LAMC3: variants seen among roughly 807,000 people sequenced by gnomAD.
LAMC3 encodes laminin subunit gamma 3.
A neutral mutation model predicts 173.8 loss-of-function variants in LAMC3; 128 were observed. The observed-to-expected ratio is 0.74, with a 90% confidence interval of 0.64 to 0.85. The LOEUF is 0.85. LAMC3 is among the 40% of genes least tolerant of loss of function. LAMC3 has a pLI of 0.00. For synonymous variants in LAMC3, 897 were observed against 909.1 expected (o/e 0.99, Z 0.24); for missense variants, 2,022 against 2,156.0 (o/e 0.94, Z 1.23).
chr9:131,014,944 C>A (rs1427013012), intron 1 of LAMC3, among the ~76,000 whole-genome samples: 1 of 152,174 alleles, frequency 6.6e-6, no homozygotes, highest in African/African-American at 2.4e-5. Context: ...CCACTGCACT[C>A]CAGCCTGGGC....
At chr9:131,020,136 G>T (rs1588137544) in intron 1 of LAMC3, among the ~76,000 whole-genome samples, 1 of 152,204 alleles carries the variant, frequency 6.6e-6, no homozygotes, top group Non-Finnish European at 1.5e-5. Context: ...GGCGGGAGGG[G>T]CTAGGGTGGA....
intron 27 of LAMC3, among the ~76,000 whole-genome samples, chr9:131,091,059 T>A (rs1830416154): frequency 6.6e-6 from 1 of 151,914 alleles, no homozygotes; most frequent in African/African-American, 2.4e-5. Flanking sequence ...CATACATACA[T>A]ACAAAAATTA....
chr9:131,079,019 G>C (rs369128385), intron 22 of LAMC3, 130 bp from the exon 23 acceptor site: 1 of 1,163,118 alleles, frequency 8.6e-7, no homozygotes, highest in East Asian at 2.6e-5. Flanking sequence ...TTTTCAGGGG[G>C]CTTGGGTTCT....
At position 131,009,616 on chromosome 9, in the gene LAMC3, G is replaced by C. The variant is rs749611585; in HGVS notation, c.373+29G>C. 2 of 1,554,660 alleles carry C rather than the reference G, an allele frequency of 1.3e-6. No individual in the cohort carries two copies. On this transcript the variant is annotated intron_variant, in intron 1 of 27. Transcript: ENST00000361069. The surrounding 1 kb of genome is among the most constrained non-coding windows in gnomAD (Gnocchi z 4.3). ...AGCGCGGGCTGGGGGCACCGCCACC[G>C]CACCCCGTGTCCCCACTCCACTGGG...
chr9:131,064,816 G>A (rs532928605), intron 13 of LAMC3, among the ~76,000 whole-genome samples: 19 of 152,152 alleles, frequency 1.2e-4, no homozygotes, highest in African/African-American at 4.1e-4. Flanking sequence ...CAAGGCAGGC[G>A]GATCACCTGA....
chr9:131,026,500 A>G lies in LAMC3; in HGVS notation c.589A>G (p.Ile197Val), dbSNP rs753424426. 4 of 1,613,288 alleles carry G rather than the reference A, an allele frequency of 2.5e-6. No individual in the cohort carries two copies. Among genetic ancestry groups the G allele is most frequent in the Non-Finnish European group, 2.5e-6 (3 of 1,179,900 alleles). ...CTTCTGCACCTCTGAGTTCAGCGAC[A>G]TCTCCCCGCTGAGTGGCGGCAACGT... ...VAFCTSEFSD[I>V]SPLSGGNVAF... Residue 197 changes from isoleucine (I) to valine (V), a missense_variant, in exon 2 of 28, where the codon ATC (isoleucine) becomes GTC (valine). By Grantham distance (29) the Ile-to-Val change is conservative. Transcript: ENST00000361069. The surrounding 1 kb of genome is among the most constrained non-coding windows in gnomAD (Gnocchi z 4.8).
At chr9:131,060,454 G>T (rs1354486195) in intron 12 of LAMC3, among the ~76,000 whole-genome samples, 2 of 152,070 alleles carry the variant, frequency 1.3e-5, no homozygotes, top group Non-Finnish European at 2.9e-5. Flanking sequence ...GACCAGCCTG[G>T]CCAACATGGT....
intron 1 of LAMC3, among the ~76,000 whole-genome samples, chr9:131,016,959 C>T (rs1056299513): frequency 6.6e-6 from 1 of 152,152 alleles, no homozygotes; most frequent in African/African-American, 2.4e-5. Flanking sequence ...AAGCACCCGC[C>T]TTGCTATGTT....
At position 131,069,847 on chromosome 9, in the gene LAMC3, G is replaced by C. The variant is rs745626055; in HGVS notation, c.3066G>C (p.Glu1022Asp). ...CGTCCTGCTACGCCCTGGTGAAGGAGGAGGTGAGTCGGCCCAGACCCACTC... is the reference window on the plus strand; with the variant it reads ...CGTCCTGCTACGCCCTGGTGAAGGACGAGGTGAGTCGGCCCAGACCCACTC... ...QCPSCYALVK[E>D]EAAKLKARLT... is the part of the protein sequence containing the mutation. The change falls in exon 17 of 28, where the codon GAG becomes GAC. Residue 1022 changes from glutamate to aspartate, a missense_variant. Coordinates refer to ENST00000361069, the MANE Select transcript of LAMC3 (RefSeq NM_006059.4). 6 of 1,586,416 alleles carry C rather than the reference G, an allele frequency of 3.8e-6. No homozygotes were observed. The highest frequency in any genetic ancestry group is 1.8e-5 in the Admixed American group (1 of 56,098).
At chr9:131,048,101 G>A (rs1834208472) in intron 8 of LAMC3, among the ~76,000 whole-genome samples, 1 of 122,224 alleles carries the variant, frequency 8.2e-6, no homozygotes, top group Non-Finnish European at 1.6e-5. Context: ...CTGTCACCCA[G>A]GCTGGAGTGC....
rs1564368627 is a variant in LAMC3 at position 131,032,667 on chromosome 9, TCTCTCG to T, written c.809+498_809+503del. On this transcript the variant is annotated intron_variant, in intron 3 of 27. Transcript: ENST00000361069. ...CGCTCTCACTCACTCTCTCTCACTCTCTCTCGCTCTCTCTCTCTCTGAAGGAGTTTC... is the reference window on the plus strand; with the variant it reads ...CGCTCTCACTCACTCTCTCTCACTCTCTCTCTCTCTCTCTGAAGGAGTTTC... 2.0e-5 allele frequency among the ~76,000 whole-genome samples: 3 copies of T among 151,664 alleles called. No individual in the cohort carries two copies. The South Asian group carries it at 6.4e-4, about 33-fold the overall frequency.
chr9:131,080,949 T>G (rs374804436), intron 23 of LAMC3, among the ~76,000 whole-genome samples: 22 of 152,368 alleles, frequency 1.4e-4, no homozygotes, highest in African/African-American at 5.3e-4. Flanking sequence ...ACACCCATTT[T>G]AGATGCAATG....
intron 23 of LAMC3, among the ~76,000 whole-genome samples, chr9:131,080,864 C>A (rs1830226320): frequency 6.6e-6 from 1 of 152,132 alleles, no homozygotes; most frequent in African/African-American, 2.4e-5. Flanking sequence ...TCAGAATAGG[C>A]CTGAGGCAGT....
rs1834328785 is a variant in LAMC3, at chr9:131,052,983, C to T, written c.1939+18C>T. 6.4e-7 allele frequency: 1 copy of T among 1,564,362 alleles called. No individual in the cohort carries two copies. Among genetic ancestry groups the T allele is most frequent in the African/African-American group, 1.4e-5 (1 of 73,842 alleles). The stretch of plus-strand genomic sequence containing the variant: ...CCCTGCCGGTCAGTAAAGACAACCA[C>T]ATGCCCAAGACCCGAGTGCTTGCCA... On this transcript the variant is annotated intron_variant, in intron 11 of 27. Coordinates refer to ENST00000361069, the MANE Select transcript of LAMC3 (RefSeq NM_006059.4).
At chr9:131,060,127 G>A (rs1829779098) in intron 12 of LAMC3, among the ~76,000 whole-genome samples, 1 of 152,194 alleles carries the variant, frequency 6.6e-6, no homozygotes, top group Admixed American at 6.5e-5. Context: ...CAGAGGGCAG[G>A]AACAGGGGTT....
At chr9:131,068,042 A>C in intron 14 of LAMC3, 36 bp from the exon 15 acceptor site, 2 of 1,603,502 alleles carry the variant, frequency 1.2e-6, no homozygotes, top group South Asian at 1.1e-5. Flanking sequence ...GACAATCTGC[A>C]TTGTTCCCAA....
chr9:131,010,340 A>AT (rs1381259261), intron 1 of LAMC3, among the ~76,000 whole-genome samples: 1 of 151,996 alleles, frequency 6.6e-6, no homozygotes, highest in Non-Finnish European at 1.5e-5. Context: ...AAAAGAAAGA[A>AT]TGAAAAAAAG....
chr9:131,031,900 G>A, intron 2 of LAMC3, 145 bp from the exon 3 acceptor site: 1 of 1,397,836 alleles, frequency 7.2e-7, no homozygotes, highest in South Asian at 1.2e-5. Flanking sequence ...TATTTCTGCA[G>A]TGTTCTCAGA....
intron 13 of LAMC3, among the ~76,000 whole-genome samples, chr9:131,065,586 A>G (rs573175943): frequency 1.1e-4 from 16 of 152,316 alleles, no homozygotes; most frequent in African/African-American, 3.8e-4. Flanking sequence ...AATGAAGATA[A>G]TGATCAAAAT....
Sources: gnomAD v4.1 joint callset for allele counts (sites outside exome capture counted in the v4.1 genomes callset) on GRCh38, gnomAD v4.1.1 for gene constraint, Gnocchi (gnomAD v3.1) non-coding constraint, MANE v1.5 for transcripts, NCBI Gene and HGNC (gene_info 2026-07-23, HGNC 2026-07-21) for gene names.